Variants in CNTNAP3B observed in about 807,000 individuals in gnomAD.
CNTNAP3B encodes contactin associated protein family member 3B.
CNTNAP3B carries 25 observed loss-of-function variants against 108.9 expected under a neutral mutation model. The observed-to-expected ratio is 0.23, with a 90% CI of 0.17 to 0.32. The LOEUF is 0.32. Among genes scored for constraint, CNTNAP3B ranks in the 10% least tolerant of loss-of-function variants. The pLI is 1.00. For synonymous variants in CNTNAP3B, 103 were observed against 473.4 expected (o/e 0.22, Z 10.16); for missense variants, 252 against 1,210.4 (o/e 0.21, Z 11.75).
At chr9:41,926,990 A>G (rs1385736875) in intron 15 of CNTNAP3B, among the ~76,000 whole-genome samples, 1 of 152,298 alleles carries the variant, frequency 6.6e-6, no homozygotes, top group African/African-American at 2.4e-5. Context: ...TCCAGGGGTT[A>G]TTACTGAACT....
At chr9:41,931,061 G>A (rs1274125283) in intron 14 of CNTNAP3B, among the ~76,000 whole-genome samples, 1 of 152,284 alleles carries the variant, frequency 6.6e-6, no homozygotes, top group East Asian at 1.9e-4. Context: ...AGTAAATACT[G>A]TATTTTTTAA....
At chr9:41,977,703 T>C (rs1294401115) in intron 9 of CNTNAP3B, among the ~76,000 whole-genome samples, 1 of 130,542 alleles carries the variant, frequency 7.7e-6, no homozygotes, top group Non-Finnish European at 1.6e-5. Context: ...CTGTATAAGC[T>C]CTGCCTCCCA....
At chr9:41,934,148 C>CATATATATACACACACACAT (rs1824077311) in intron 14 of CNTNAP3B, among the ~76,000 whole-genome samples, 1 of 84,076 alleles carries the variant, frequency 1.2e-5, no homozygotes, top group Non-Finnish European at 2.4e-5. Context: ...TATACACACA[C>CATATATATACACACACACAT]ATATATATAC....
At chr9:41,929,955 A>G (rs1416543147) in intron 14 of CNTNAP3B, among the ~76,000 whole-genome samples, 126 of 152,222 alleles carry the variant, frequency 8.3e-4, no homozygotes, top group African/African-American at 2.9e-3. Context: ...GAGAAGGGGA[A>G]AAATCAAGAA....
At chr9:42,110,194 T>C (rs1259497376) in intron 1 of CNTNAP3B, among the ~76,000 whole-genome samples, 1 of 130,792 alleles carries the variant, frequency 7.6e-6, no homozygotes, top group Non-Finnish European at 1.6e-5. Flanking sequence ...TTAGGGCAAA[T>C]GCAGGAGAGT....
chr9:42,093,705 G>A (rs1320401064), intron 2 of CNTNAP3B, among the ~76,000 whole-genome samples: 1 of 54,714 alleles, frequency 1.8e-5, no homozygotes, highest in African/African-American at 5.6e-5. Flanking sequence ...AATGAATAAC[G>A]TAGTAGTTGT....
chr9:41,937,464 G>A (rs1258023968), intron 14 of CNTNAP3B, among the ~76,000 whole-genome samples: 54 of 151,120 alleles, frequency 3.6e-4, no homozygotes, highest in African/African-American at 1.2e-3. Context: ...ACACGATCTA[G>A]TTGTTTTATG....
rs1456237839 is a variant in CNTNAP3B, at chr9:42,113,170, C to A, written c.86-8431G>T. Among the ~76,000 whole-genome samples, 4 of 134,890 alleles carry A rather than the reference C, an allele frequency of 3.0e-5. 1 individual carries two copies. In the East Asian group the frequency reaches 9.0e-4, roughly 31 times the overall value. 88.5% of individuals were successfully genotyped at this position (134,890 alleles called of 152,430 possible). The stretch of plus-strand genomic sequence containing the variant: ...GATGAAGGAGATGGGATGGGAAAAT[C>A]TGCATATGAGAAGATAATGGACAAA... On this transcript the variant is annotated intron_variant, in intron 1 of 23. Coordinates refer to ENST00000377561, the MANE Select transcript of CNTNAP3B (RefSeq NM_001201380.3).
At chr9:42,126,513 A>G (rs908575672) in intron 1 of CNTNAP3B, among the ~76,000 whole-genome samples, 1 of 138,632 alleles carries the variant, frequency 7.2e-6, no homozygotes, top group Admixed American at 7.2e-5. Flanking sequence ...TGTCAGGTCA[A>G]ATAACATTCA....
intron 1 of CNTNAP3B, among the ~76,000 whole-genome samples, chr9:42,110,045 G>T (rs1304745444): frequency 7.3e-6 from 1 of 137,558 alleles, no homozygotes; most frequent in Non-Finnish European, 1.5e-5. Context: ...TTTTGGACTA[G>T]GGATACTGAT....
At chr9:41,940,615 G>A (rs1362228424) in intron 13 of CNTNAP3B, among the ~76,000 whole-genome samples, 169 of 152,202 alleles carry the variant, frequency 1.1e-3, no homozygotes, top group East Asian at 3.9e-3. Flanking sequence ...GTCAGATCGA[G>A]ACCATCCTGG....
At chr9:41,944,623 GA>G (rs1238146625) in intron 13 of CNTNAP3B, among the ~76,000 whole-genome samples, 1 of 151,628 alleles carries the variant, frequency 6.6e-6, no homozygotes, top group Non-Finnish European at 1.5e-5. Flanking sequence ...GGGAATTCAG[GA>G]AAAAAAGAAG....
intron 3 of CNTNAP3B, among the ~76,000 whole-genome samples, chr9:42,056,376 A>G (rs1417058708): frequency 1.5e-5 from 2 of 135,600 alleles, no homozygotes; most frequent in Admixed American, 1.5e-4. Context: ...TTTGAGACGG[A>G]GTCTTGCTCT....
chr9:41,955,958 T>C (rs1332724093), intron 12 of CNTNAP3B, among the ~76,000 whole-genome samples: 1 of 152,224 alleles, frequency 6.6e-6, no homozygotes, highest in East Asian at 1.9e-4. Flanking sequence ...CCAGCCTAAC[T>C]TAAATGTGCT....
chr9:41,926,319 C>T (rs1368260649), intron 15 of CNTNAP3B, among the ~76,000 whole-genome samples: 5 of 152,164 alleles, frequency 3.3e-5, no homozygotes, highest in South Asian at 2.1e-4. Flanking sequence ...GTCCCAGCTG[C>T]CCCAAAAGAA....
intron 12 of CNTNAP3B, among the ~76,000 whole-genome samples, chr9:41,956,018 C>T (rs1398894331): frequency 6.6e-6 from 1 of 152,192 alleles, no homozygotes; most frequent in East Asian, 1.9e-4. Context: ...TAACACAATG[C>T]CTATTTTATA....
In CNTNAP3B at chr9:41,988,238, ATTTTTTTTTTTTT is replaced by A. The variant is rs1209677991; in HGVS notation, c.1334-1940_1334-1928del. On this transcript the variant is annotated intron_variant, in intron 8 of 23. Coordinates refer to ENST00000377561, the MANE Select transcript of CNTNAP3B (RefSeq NM_001201380.3). ...TTTCTGTGCCTTTTACCTTCTTTGAATTTTTTTTTTTTTTTTTTTTTTTTTTTTGAGATGGAGT... is the reference window on the plus strand; with the variant it reads ...TTTCTGTGCCTTTTACCTTCTTTGAATTTTTTTTTTTTTTTGAGATGGAGT... Among the ~76,000 whole-genome samples the A allele has an allele frequency of 3.5e-4, 9 of 25,886 alleles. 1 individual carries two copies. Among genetic ancestry groups the A allele is most frequent in the Non-Finnish European group, 3.8e-4 (5 of 13,122 alleles). The allele number at this position is 25,886 out of a possible 152,430, so 17.0% of individuals were successfully genotyped here.
chr9:41,969,708 C>G (rs1483423926), intron 10 of CNTNAP3B, among the ~76,000 whole-genome samples: 1 of 150,664 alleles, frequency 6.6e-6, no homozygotes, highest in Non-Finnish European at 1.5e-5. Flanking sequence ...AGCTCCACCT[C>G]CCGGGTTCAT....
intron 13 of CNTNAP3B, among the ~76,000 whole-genome samples, chr9:41,942,699 C>CATTA (rs1309626775): frequency 1.3e-5 from 2 of 152,204 alleles, no homozygotes; most frequent in African/African-American, 2.4e-5. Flanking sequence ...CAGATCAGTA[C>CATTA]ATTACCTGTA....
Sources: allele counts gnomAD v4.1 joint callset (sites outside exome capture counted in the v4.1 genomes callset), GRCh38; gene constraint gnomAD v4.1.1; transcripts MANE v1.5; gene names NCBI Gene and HGNC (gene_info 2026-07-23, HGNC 2026-07-21).